Variants in MGMT observed in about 807,000 individuals in gnomAD.
The protein encoded by MGMT is methylated-DNA--protein-cysteine methyltransferase.
MGMT carries 14 observed loss-of-function variants against 15.9 expected under a neutral mutation model. The observed-to-expected ratio is 0.88, with a 90% confidence interval of 0.58 to 1.37. MGMT has a LOEUF of 1.37. Ranked by LOEUF, MGMT falls within the 40% of genes most tolerant of loss-of-function variation. The probability of loss-of-function intolerance (pLI) is 0.00; values close to 1 mark genes in which losing one functional copy is unlikely to be tolerated. For missense variants in MGMT, 282 were observed against 268.1 expected (o/e 1.05, Z -0.36); for synonymous variants, 130 against 118.2 (o/e 1.10, Z -0.65).
intron 1 of MGMT, among the ~76,000 whole-genome samples, chr10:129,472,541 A>G (rs897568402): frequency 6.6e-6 from 1 of 152,176 alleles, no homozygotes; most frequent in Non-Finnish European, 1.5e-5. Flanking sequence ...CACTGGGGGC[A>G]TGTGCACGGT....
chr10:129,505,660 T>C (rs1472891491), intron 1 of MGMT, among the ~76,000 whole-genome samples: 4 of 152,226 alleles, frequency 2.6e-5, no homozygotes, highest in African/African-American at 9.6e-5. Context: ...ACATTCATCA[T>C]CTGGTCAGCA....
At chr10:129,478,222 T>C (rs1355340981) in intron 1 of MGMT, among the ~76,000 whole-genome samples, 3 of 31,942 alleles carry the variant, frequency 9.4e-5, no homozygotes, top group African/African-American at 4.3e-4. Context: ...ATTCTTTTTG[T>C]TGGTTGGTTG....
At chr10:129,500,017 G>A (rs967226725) in intron 1 of MGMT, among the ~76,000 whole-genome samples, 1 of 152,194 alleles carries the variant, frequency 6.6e-6, no homozygotes, top group Admixed American at 6.5e-5. Flanking sequence ...TTCACCTACT[G>A]TATATTAATA....
At chr10:129,518,172 C>G (rs993513987) in intron 1 of MGMT, among the ~76,000 whole-genome samples, 1 of 151,960 alleles carries the variant, frequency 6.6e-6, no homozygotes, top group African/African-American at 2.4e-5. Flanking sequence ...GCCAGATGCT[C>G]TGTTTATAAT....
chr10:129,708,221 C>G (rs551343622), intron 3 of MGMT, among the ~76,000 whole-genome samples, 178 bp downstream of exon 3: 1 of 152,334 alleles, frequency 6.6e-6, no homozygotes, highest in African/African-American at 2.4e-5. Flanking sequence ...CACTCCAACA[C>G]TTGTGTTAGT....
At chr10:129,743,351 G>A (rs1432479071) in intron 3 of MGMT, among the ~76,000 whole-genome samples, 1 of 152,208 alleles carries the variant, frequency 6.6e-6, no homozygotes, top group African/African-American at 2.4e-5. Flanking sequence ...TCATCCACAG[G>A]TGCTGTCACG....
intron 1 of MGMT, among the ~76,000 whole-genome samples, chr10:129,473,654 G>A (rs1449044587): frequency 1.3e-5 from 2 of 152,204 alleles, no homozygotes; most frequent in Non-Finnish European, 2.9e-5. Flanking sequence ...AAGACAGGGT[G>A]TAAACAGACA....
chr10:129,527,730 A>G (rs1315577630), intron 1 of MGMT, among the ~76,000 whole-genome samples: 4 of 151,718 alleles, frequency 2.6e-5, no homozygotes, highest in Admixed American at 1.3e-4. Context: ...CACCCTTGAC[A>G]CGCCTGGAAT....
chr10:129,557,579 AATT>A (rs1250221005), intron 2 of MGMT, among the ~76,000 whole-genome samples: 6 of 152,324 alleles, frequency 3.9e-5, no homozygotes, highest in African/African-American at 1.4e-4. Flanking sequence ...ATAACTCGGT[AATT>A]ATTGTTTCAA....
intron 3 of MGMT, among the ~76,000 whole-genome samples, chr10:129,716,245 A>G (rs1212797783): frequency 6.6e-6 from 1 of 152,170 alleles, no homozygotes; most frequent in African/African-American, 2.4e-5. Context: ...GGTATTGGTA[A>G]CGCCCAGGAA....
intron 3 of MGMT, among the ~76,000 whole-genome samples, chr10:129,723,346 C>T (rs1848395442): frequency 6.6e-6 from 1 of 152,126 alleles, no homozygotes; most frequent in Non-Finnish European, 1.5e-5. Flanking sequence ...TAGCTTAGCT[C>T]CCGTGGATAA....
At chr10:129,539,664 G>A (rs1020972828) in intron 2 of MGMT, among the ~76,000 whole-genome samples, 4 of 152,022 alleles carry the variant, frequency 2.6e-5, no homozygotes, top group African/African-American at 2.4e-5. Flanking sequence ...CTGCTGCCAC[G>A]CCCGGCTAAA....
chr10:129,528,811 G>A (rs1589851841), intron 1 of MGMT, among the ~76,000 whole-genome samples: 1 of 152,204 alleles, frequency 6.6e-6, no homozygotes, highest in East Asian at 1.9e-4. Flanking sequence ...AGGAAGGGTA[G>A]GGGATGGTGC....
intron 2 of MGMT, among the ~76,000 whole-genome samples, chr10:129,568,160 T>G (rs953426979): frequency 2.6e-5 from 4 of 152,238 alleles, no homozygotes; most frequent in Admixed American, 6.5e-5. Flanking sequence ...TTAAGCTCGC[T>G]TTACTTGGAG....
chr10:129,519,732 T>C (rs1845783270), intron 1 of MGMT, among the ~76,000 whole-genome samples: 1 of 152,194 alleles, frequency 6.6e-6, no homozygotes, highest in African/African-American at 2.4e-5. Context: ...TTGCTAAGGG[T>C]AAAGAGGATT....
intron 2 of MGMT, among the ~76,000 whole-genome samples, chr10:129,586,094 A>G (rs1006488647): frequency 6.6e-6 from 1 of 152,128 alleles, no homozygotes; most frequent in Non-Finnish European, 1.5e-5. Flanking sequence ...TCATCCCACT[A>G]CTCAGAATGG....
chr10:129,597,752 T>C (rs1469767670), intron 2 of MGMT, among the ~76,000 whole-genome samples: 1 of 152,206 alleles, frequency 6.6e-6, no homozygotes, highest in African/African-American at 2.4e-5. Context: ...AAGAGACTAT[T>C]GAGTAGAGAC....
In MGMT at chr10:129,586,119, C is replaced by T. The variant is rs12256428; in HGVS notation, c.125+49742C>T. 3.7e-3 allele frequency among the ~76,000 whole-genome samples: 557 copies of T among 152,200 alleles called. 2 individuals are homozygous for T. The highest frequency in any genetic ancestry group is 7.1e-3 in the South Asian group (34 of 4,818). On this transcript the variant is annotated intron_variant, in intron 2 of 4. Coordinates refer to ENST00000651593, the MANE Select transcript of MGMT (RefSeq NM_002412.5). Reference sequence around the variant, plus strand: ...ACTCAGAATGGTGTGCAATTTAGAACGTATGGATTATTTATGTCTGGAATT... The same window carrying T: ...ACTCAGAATGGTGTGCAATTTAGAATGTATGGATTATTTATGTCTGGAATT...
At chr10:129,617,414 A>G (rs1847040343) in intron 2 of MGMT, among the ~76,000 whole-genome samples, 1 of 152,164 alleles carries the variant, frequency 6.6e-6, no homozygotes, top group Admixed American at 6.5e-5. Context: ...TCTTTATGGT[A>G]GAACCGTTTA....
Sources: allele counts gnomAD v4.1 joint callset (sites outside exome capture counted in the v4.1 genomes callset), GRCh38; gene constraint gnomAD v4.1.1; transcripts MANE v1.5; gene names NCBI Gene and HGNC (gene_info 2026-07-23, HGNC 2026-07-21).